Variants in NECAB1 observed in about 807,000 individuals in gnomAD.
The protein encoded by NECAB1 is N-terminal EF-hand calcium binding protein 1, also known as N-terminal EF-hand calcium-binding protein 1.
Under a neutral mutation model 57.5 loss-of-function variants are expected in NECAB1, and 29 were observed. The observed-to-expected ratio is 0.50, with a 90% CI of 0.38 to 0.69. The LOEUF is 0.69. Ranked by LOEUF, NECAB1 falls within the 30% of genes least tolerant of loss-of-function variation. The pLI is 0.00. For synonymous variants in NECAB1, 142 were observed against 147.7 expected (o/e 0.96, Z 0.28); for missense variants, 372 against 413.8 (o/e 0.90, Z 0.88).
intron 3 of NECAB1, among the ~76,000 whole-genome samples, chr8:90,826,638 G>A (rs1812230629): frequency 6.6e-6 from 1 of 151,768 alleles, no homozygotes; most frequent in South Asian, 2.1e-4. Context: ...TTTGGGTTTG[G>A]AATATTTATT....
chr8:90,800,867 C>G (rs1811746865), intron 1 of NECAB1, among the ~76,000 whole-genome samples: 1 of 152,118 alleles, frequency 6.6e-6, no homozygotes, highest in South Asian at 2.1e-4. Context: ...CTGCCCAACA[C>G]TGGAGCACCT....
intron 3 of NECAB1, among the ~76,000 whole-genome samples, chr8:90,861,904 G>T (rs1437650521): frequency 1.3e-5 from 2 of 152,102 alleles, no homozygotes; most frequent in Admixed American, 6.6e-5. Flanking sequence ...AAACATGATA[G>T]TAATACCTTG....
chr8:90,923,332 T>G (rs79948551), intron 6 of NECAB1, among the ~76,000 whole-genome samples: 1 of 152,120 alleles, frequency 6.6e-6, no homozygotes, highest in African/African-American at 2.4e-5. Context: ...TACTGAAGAG[T>G]GAGATGTGAA....
intron 5 of NECAB1, among the ~76,000 whole-genome samples, chr8:90,885,119 G>C (rs1255198108): frequency 6.6e-6 from 1 of 152,312 alleles, no homozygotes; most frequent in East Asian, 1.9e-4. Context: ...ATTCATGTGA[G>C]CATGACTTTG....
intron 3 of NECAB1, among the ~76,000 whole-genome samples, chr8:90,842,321 G>C (rs1166253357): frequency 6.6e-6 from 1 of 152,194 alleles, no homozygotes; most frequent in South Asian, 2.1e-4. Context: ...GCTTGAAGTT[G>C]TATACACTAC....
intron 2 of NECAB1, among the ~76,000 whole-genome samples, chr8:90,809,862 CTT>C (rs1226587017): frequency 6.6e-6 from 1 of 152,010 alleles, no homozygotes; most frequent in African/African-American, 2.4e-5. Context: ...ATTATCAACT[CTT>C]TATGGCCATG....
At chr8:90,793,356 G>A (rs544440397) in intron 1 of NECAB1, among the ~76,000 whole-genome samples, 1 of 152,282 alleles carries the variant, frequency 6.6e-6, no homozygotes, top group Non-Finnish European at 1.5e-5. Flanking sequence ...GGCTCCAATT[G>A]GTGATCCAGG....
At chr8:90,938,413 C>T (rs1262444471) in intron 9 of NECAB1, among the ~76,000 whole-genome samples, 1 of 152,158 alleles carries the variant, frequency 6.6e-6, no homozygotes, top group African/African-American at 2.4e-5. Context: ...TAGTAAGCTT[C>T]AGGCTGTGTA....
intron 3 of NECAB1, among the ~76,000 whole-genome samples, chr8:90,861,612 G>A (rs1808383493): frequency 6.6e-6 from 1 of 152,112 alleles, no homozygotes; most frequent in Admixed American, 6.6e-5. Flanking sequence ...TTATCTAAGT[G>A]TCTCTTGGAA....
rs1295195917 is a variant in NECAB1, at chr8:90,949,803, T to A, written c.861-4T>A. On this transcript the variant is annotated splice_polypyrimidine_tract_variant and splice_region_variant and intron_variant, in intron 10 of 12. Coordinates refer to ENST00000417640, the MANE Select transcript of NECAB1 (RefSeq NM_022351.5). ...CTAATTATGCCTTTTATTTTCCATT[T>A]CAGTATTTCTATACAGAAGCTTTCA... 1 of 1,576,908 alleles carries A rather than the reference T, an allele frequency of 6.3e-7. No individual in the cohort carries two copies. Among genetic ancestry groups the A allele is most frequent in the South Asian group, 1.1e-5 (1 of 87,062 alleles).
intron 2 of NECAB1, among the ~76,000 whole-genome samples, chr8:90,819,374 G>T (rs1257433532): frequency 6.6e-6 from 1 of 151,958 alleles, no homozygotes; most frequent in Non-Finnish European, 1.5e-5. Flanking sequence ...TTTTGTGTGT[G>T]TGAAAGCCTG....
intron 3 of NECAB1, among the ~76,000 whole-genome samples, chr8:90,830,138 G>A (rs1812280597): frequency 6.6e-6 from 1 of 152,064 alleles, no homozygotes. Flanking sequence ...AGAAGGAAGG[G>A]TCAGTGCTCA....
intron 9 of NECAB1, among the ~76,000 whole-genome samples, chr8:90,939,441 A>T (rs1268421033): frequency 6.6e-6 from 1 of 152,248 alleles, no homozygotes; most frequent in African/African-American, 2.4e-5. Context: ...AATTAGTCAA[A>T]GGGCATGAGT....
rs1253462322 is a variant in NECAB1 at position 90,957,679 on chromosome 8, AAAAAAGAAAAAG to A, written c.*2179_*2190del. The stretch of plus-strand genomic sequence containing the variant: ...AAAAGGAAACTAGTAGGGCCAAAAA[AAAAAAGAAAAAG>A]AAAAAGAAAAAAGAAAAAAAAAGAA... On this transcript the variant is annotated 3_prime_UTR_variant, in exon 13 of 13. Transcript: ENST00000417640. The A allele has an allele frequency of 6.6e-6, 1 of 150,804 alleles. No individual in the cohort carries two copies. Among genetic ancestry groups the A allele is most frequent in the Admixed American group, 6.6e-5 (1 of 15,126 alleles). The allele number at this position is 150,804 out of a possible 1,614,324, so 9.3% of individuals were successfully genotyped here.
intron 5 of NECAB1, among the ~76,000 whole-genome samples, chr8:90,900,516 T>C (rs1809475921): frequency 6.6e-6 from 1 of 152,136 alleles, no homozygotes; most frequent in Non-Finnish European, 1.5e-5. Flanking sequence ...ATAGTATGAG[T>C]CAATGGCAAA....
At chr8:90,906,509 T>C (rs1367210648) in intron 5 of NECAB1, among the ~76,000 whole-genome samples, 2 of 152,072 alleles carry the variant, frequency 1.3e-5, no homozygotes, top group African/African-American at 4.8e-5. Context: ...TTAAAGAAAA[T>C]GCCTACAGTA....
chr8:90,955,536 G>T lies in NECAB1; in HGVS notation c.*24G>T. ...AGATGTTCCTAGACATTTTCTTTATGGTTCCAAGTGCAAAACAGGTGTTCT... is the reference window on the plus strand; with the variant it reads ...AGATGTTCCTAGACATTTTCTTTATTGTTCCAAGTGCAAAACAGGTGTTCT... On this transcript the variant is annotated 3_prime_UTR_variant, in exon 13 of 13. Transcript: ENST00000417640. 3 of 1,536,576 alleles carry T rather than the reference G, an allele frequency of 2.0e-6. No individual in the cohort carries two copies. Among genetic ancestry groups the T allele is most frequent in the Non-Finnish European group, 2.6e-6 (3 of 1,136,274 alleles).
intron 2 of NECAB1, among the ~76,000 whole-genome samples, chr8:90,817,584 T>C (rs533228408): frequency 2.6e-5 from 4 of 151,904 alleles, no homozygotes; most frequent in African/African-American, 7.2e-5. Context: ...GATTTTTTCC[T>C]ATTTAGCCTG....
chr8:90,925,881 G>C (rs1810254606), intron 7 of NECAB1, among the ~76,000 whole-genome samples: 1 of 152,158 alleles, frequency 6.6e-6, no homozygotes, highest in Non-Finnish European at 1.5e-5. Context: ...AAAGCACACA[G>C]AGAGATGGTG....
Sources: allele counts gnomAD v4.1 joint callset (sites outside exome capture counted in the v4.1 genomes callset), GRCh38; gene constraint gnomAD v4.1.1; transcripts MANE v1.5; gene names NCBI Gene and HGNC (gene_info 2026-07-23, HGNC 2026-07-21).